Variants in RAB11FIP4 observed in about 807,000 individuals in gnomAD.
RAB11FIP4 encodes rab11 family-interacting protein 4.
RAB11FIP4 carries 23 observed loss-of-function variants against 74.3 expected under a neutral mutation model. That is an observed-to-expected ratio of 0.31 (90% CI 0.22 to 0.44). The LOEUF (loss-of-function observed/expected upper bound fraction) is 0.44. Ranked by LOEUF, RAB11FIP4 falls within the 20% of genes least tolerant of loss-of-function variation. The pLI is 1.00. For synonymous variants in RAB11FIP4, 360 were observed against 359.9 expected, an observed-to-expected ratio of 1.00 and a Z score of 0.00; for missense variants, 630 against 863.9, an observed-to-expected ratio of 0.73 and a Z score of 3.39.
intron 3 of RAB11FIP4, among the ~76,000 whole-genome samples, chr17:31,507,681 T>C (rs1488330658): frequency 6.6e-6 from 1 of 152,132 alleles, no homozygotes; most frequent in Non-Finnish European, 1.5e-5. Context: ...TTTTAAGATA[T>C]AGGGTCTCAC....
At chr17:31,451,458 C>CAAAAAAAAA in intron 3 of RAB11FIP4, among the ~76,000 whole-genome samples, 1 of 85,988 alleles carries the variant, frequency 1.2e-5, no homozygotes, top group Non-Finnish European at 2.3e-5. Flanking sequence ...GACTCCATCT[C>CAAAAAAAAA]AAAAAAAAAA....
intron 3 of RAB11FIP4, among the ~76,000 whole-genome samples, chr17:31,480,220 C>A (rs763448248): frequency 2.0e-4 from 30 of 152,104 alleles, no homozygotes; most frequent in South Asian, 8.3e-4. Context: ...TGATCCTTGA[C>A]AGATTACTGC....
chr17:31,531,871 A>T lies in RAB11FIP4; in HGVS notation c.*139A>T. The T allele has an allele frequency of 1.5e-6, 1 of 669,428 alleles. No individual in the cohort carries two copies. The highest frequency in any genetic ancestry group is 2.7e-6 in the Non-Finnish European group (1 of 376,176). 41.5% of individuals were successfully genotyped at this position (669,428 alleles called of 1,614,324 possible). A position where few individuals can be genotyped will look rare whatever the true frequency, so the allele number is the denominator to read the frequency against. On this transcript the variant is annotated 3_prime_UTR_variant, in exon 15 of 15. Transcript: ENST00000621161. ...CACCATGCGTTACGTGTACCCGTGT[A>T]TATGTGGGGAGGCTGTGCACACGAG... is the stretch of plus-strand genomic sequence containing the variant.
At chr17:31,470,441 C>T (rs1170816971) in intron 3 of RAB11FIP4, among the ~76,000 whole-genome samples, 1 of 152,154 alleles carries the variant, frequency 6.6e-6, no homozygotes, top group Non-Finnish European at 1.5e-5. Flanking sequence ...CCATGAAGGT[C>T]AGAGTTCAAA....
chr17:31,432,051 G>T, intron 2 of RAB11FIP4, 151 bp downstream of exon 2: 4 of 620,554 alleles, frequency 6.4e-6, no homozygotes, highest in South Asian at 4.1e-5. Flanking sequence ...TGGCTTCCGG[G>T]GGGGCCAGAG....
chr17:31,528,719 G>C lies in RAB11FIP4; in HGVS notation c.1594G>C (p.Glu532Gln). Reference protein sequence around the residue: ...RGRSASSGLGEFNARAREVEL... With the variant: ...RGRSASSGLGQFNARAREVEL... ...CCGCAGTGCCTCCTCTGGCCTAGGCGAGTTCAATGCCAGGGCCCGCGAGGT... is the reference window on the plus strand; with the variant it reads ...CCGCAGTGCCTCCTCTGGCCTAGGCCAGTTCAATGCCAGGGCCCGCGAGGT... The change falls in exon 13 of 15, where the codon GAG (glutamate) becomes CAG (glutamine). Residue 532 changes from glutamate to glutamine, a missense_variant. Transcript: ENST00000621161. The C allele has an allele frequency of 6.2e-7, 1 of 1,612,078 alleles. No individual in the cohort carries two copies. Among genetic ancestry groups the C allele is most frequent in the East Asian group, 2.2e-5 (1 of 44,838 alleles).
chr17:31,505,561 TATAATATATA>T lies in RAB11FIP4; in HGVS notation c.337-12073_337-12064del, dbSNP rs1373614167. Among the ~76,000 whole-genome samples the T allele has an allele frequency of 6.8e-5, 5 of 73,312 alleles. 1 individual carries two copies. Among genetic ancestry groups the T allele is most frequent in the East Asian group, 5.4e-4 (2 of 3,718 alleles). 48.1% of individuals were successfully genotyped at this position (73,312 alleles called of 152,430 possible). Reference sequence around the variant, plus strand: ...ATTATATATTATATATAATAATAATTATAATATATAATAATATATAATAATAATTATATAT... The same window carrying T: ...ATTATATATTATATATAATAATAATTATAATATATAATAATAATTATATAT... On this transcript the variant is annotated intron_variant, in intron 3 of 14. Transcript: ENST00000621161.
At position 31,538,086 on chromosome 17, in the gene RAB11FIP4, T is replaced by C; in HGVS notation, c.*6354T>C. 6.5e-6 allele frequency: 1 copy of C among 152,716 alleles called. No homozygotes were observed. The highest frequency in any genetic ancestry group is 1.5e-5 in the Non-Finnish European group (1 of 68,362). The allele number at this position is 152,716 out of a possible 1,614,324, so 9.5% of individuals were successfully genotyped here. On this transcript the variant is annotated 3_prime_UTR_variant, in exon 15 of 15. Coordinates refer to ENST00000621161, the MANE Select transcript of RAB11FIP4 (RefSeq NM_032932.6). ...CAGTGGGGGTGAGGCCCTGAGGCTG[T>C]CCAGGGTCTGAGCTCTTTGCCTCCA... is the stretch of plus-strand genomic sequence containing the variant.
At chr17:31,452,621 C>T (rs1474716458) in intron 3 of RAB11FIP4, among the ~76,000 whole-genome samples, 1 of 152,174 alleles carries the variant, frequency 6.6e-6, no homozygotes, top group Non-Finnish European at 1.5e-5. Context: ...TGCCATCTTT[C>T]CCCCTACATG....
At chr17:31,525,494 C>T (rs946847773) in intron 10 of RAB11FIP4, 8 of 492,646 alleles carry the variant, frequency 1.6e-5, no homozygotes, top group South Asian at 5.4e-5. Flanking sequence ...GAGAAAAGGG[C>T]CTGGGCTGGG....
chr17:31,514,945 G>A (rs1432286504), intron 3 of RAB11FIP4, among the ~76,000 whole-genome samples: 1 of 152,214 alleles, frequency 6.6e-6, no homozygotes, highest in African/African-American at 2.4e-5. Flanking sequence ...AGTGTGGGAG[G>A]TGTCAAGGAT....
At chr17:31,401,752 A>G (rs1271539025) in intron 1 of RAB11FIP4, among the ~76,000 whole-genome samples, 1 of 152,200 alleles carries the variant, frequency 6.6e-6, no homozygotes, top group Non-Finnish European at 1.5e-5. Flanking sequence ...TTTGAACCAA[A>G]ACAAAAACCA....
At position 31,430,859 on chromosome 17, in the gene RAB11FIP4, G is replaced by C. The variant is rs369794060; in HGVS notation, c.160-954G>C. Among the ~76,000 whole-genome samples, 60 of 152,262 alleles carry C rather than the reference G, an allele frequency of 3.9e-4. 1 individual carries two copies. The highest frequency in any genetic ancestry group is 1.4e-3 in the African/African-American group (60 of 41,556). On this transcript the variant is annotated intron_variant, in intron 1 of 14. Transcript: ENST00000621161. The stretch of plus-strand genomic sequence containing the variant: ...GAGCATGGATTGAATGTGAGTGACA[G>C]TGAGCAGACGCAGTGATGCTGAAGA...
At chr17:31,419,134 G>T (rs1328394673) in intron 1 of RAB11FIP4, among the ~76,000 whole-genome samples, 1 of 152,210 alleles carries the variant, frequency 6.6e-6, no homozygotes, top group Admixed American at 6.5e-5. Context: ...AGACACTGGG[G>T]ATGTTTCTAG....
Position 31,457,696 on chromosome 17 carries a change from C to T in RAB11FIP4, c.336+23574C>T, listed in dbSNP as rs183970727. Among the ~76,000 whole-genome samples, 334 of 151,826 alleles carry T rather than the reference C, an allele frequency of 2.2e-3. 2 individuals carry two copies. Among genetic ancestry groups the T allele is most frequent in the African/African-American group, 7.9e-3 (327 of 41,392 alleles). ...GCAGGCCTGACCCCCACCACCCTCACCCCCAGCCCCGCAGGTGGCCACACC... is the reference window on the plus strand; with the variant it reads ...GCAGGCCTGACCCCCACCACCCTCATCCCCAGCCCCGCAGGTGGCCACACC... On this transcript the variant is annotated intron_variant, in intron 3 of 14. Coordinates refer to ENST00000621161, the MANE Select transcript of RAB11FIP4 (RefSeq NM_032932.6).
intron 3 of RAB11FIP4, among the ~76,000 whole-genome samples, chr17:31,468,853 C>G: frequency 6.6e-6 from 1 of 151,814 alleles, no homozygotes; most frequent in East Asian, 1.9e-4. Context: ...ATCTCAACAT[C>G]TTGTGCAAAG....
At chr17:31,415,787 C>T (rs1056521123) in intron 1 of RAB11FIP4, among the ~76,000 whole-genome samples, 3 of 152,072 alleles carry the variant, frequency 2.0e-5, no homozygotes, top group Non-Finnish European at 4.4e-5. Context: ...CAGGGACCAC[C>T]CTACTTTCTC....
intron 3 of RAB11FIP4, among the ~76,000 whole-genome samples, chr17:31,492,708 T>C (rs2072033612): frequency 6.6e-6 from 1 of 152,200 alleles, no homozygotes; most frequent in Non-Finnish European, 1.5e-5. Context: ...TGCAGCTTCA[T>C]CATAATACTG....
Position 31,491,144 on chromosome 17 carries a change from C to A in RAB11FIP4, c.337-26507C>A, listed in dbSNP as rs547144192. Among the ~76,000 whole-genome samples, 3 of 152,362 alleles carry A rather than the reference C, an allele frequency of 2.0e-5. No individual in the cohort carries two copies. The East Asian group carries it at 5.8e-4, about 29-fold the overall frequency. On this transcript the variant is annotated intron_variant, in intron 3 of 14. Coordinates refer to ENST00000621161, the MANE Select transcript of RAB11FIP4 (RefSeq NM_032932.6). ...GCCTATTTGGCAGTCCCACCTGGTG[C>A]CTTACTGGATGTCGTACGATCTTTG...
Sources: allele counts gnomAD v4.1 joint callset (sites outside exome capture counted in the v4.1 genomes callset), GRCh38; gene constraint gnomAD v4.1.1; transcripts MANE v1.5; gene names NCBI Gene and HGNC (gene_info 2026-07-23, HGNC 2026-07-21).